The following ARL15 variants were observed in gnomAD, a reference collection of about 807,000 sequenced individuals.
ARL15 encodes ARF like GTPase 15.
Under a neutral mutation model 25.2 loss-of-function variants are expected in ARL15, and 19 were observed. The ratio of observed to expected loss-of-function variants is 0.75; its 90% CI spans 0.53 to 1.10. The LOEUF (loss-of-function observed/expected upper bound fraction) is 1.10, where lower values mean the gene tolerates loss of function less well. ARL15 is among the 50% of genes least tolerant of loss of function. ARL15 has a pLI of 0.00. For synonymous variants in ARL15, 94 were observed against 86.8 expected, an observed-to-expected ratio of 1.08 and a Z score of -0.46; for missense variants, 220 against 246.0, an observed-to-expected ratio of 0.89 and a Z score of 0.71.
chr5:53,945,011 T>C (rs760583006), intron 4 of ARL15, among the ~76,000 whole-genome samples: 14 of 152,316 alleles, frequency 9.2e-5, no homozygotes, highest in Non-Finnish European at 1.9e-4. Context: ...TACTGATTCC[T>C]GGGCAACAGA....
chr5:54,254,499 G>C (rs1173995240), intron 1 of ARL15, among the ~76,000 whole-genome samples: 1 of 152,154 alleles, frequency 6.6e-6, no homozygotes. Flanking sequence ...TTTCTTTTAT[G>C]ACTAATCTTA....
intron 4 of ARL15, among the ~76,000 whole-genome samples, chr5:54,086,962 T>G (rs1202131965): frequency 6.6e-6 from 1 of 152,202 alleles, no homozygotes; most frequent in Non-Finnish European, 1.5e-5. Flanking sequence ...TTTCATGGTT[T>G]TAATAATTTA....
At chr5:54,280,440 CT>C (rs1180240237) in intron 1 of ARL15, among the ~76,000 whole-genome samples, 3 of 152,178 alleles carry the variant, frequency 2.0e-5, no homozygotes, top group Non-Finnish European at 4.4e-5. Context: ...AGAAAATCTG[CT>C]TTTTCTTACA....
chr5:54,210,217 T>C (rs3797249), intron 1 of ARL15, among the ~76,000 whole-genome samples: 2 of 152,204 alleles, frequency 1.3e-5, no homozygotes, highest in East Asian at 3.8e-4. Context: ...CACTTCAAAA[T>C]ATATTGTAAG....
chr5:54,011,440 G>GT, intron 4 of ARL15, among the ~76,000 whole-genome samples: 1 of 151,988 alleles, frequency 6.6e-6, no homozygotes, highest in African/African-American at 2.4e-5. Context: ...TTGTTGTTTT[G>GT]TTTTTTGTTT....
intron 2 of ARL15, 85 bp from the exon 3 acceptor site, chr5:54,154,724 G>T: frequency 2.6e-6 from 2 of 777,802 alleles, no homozygotes; most frequent in South Asian, 1.9e-5. Context: ...TCTCTTTTTA[G>T]GCTGGTTAAG....
intron 1 of ARL15, among the ~76,000 whole-genome samples, chr5:54,194,933 G>A (rs772341047): frequency 4.6e-5 from 7 of 152,258 alleles, no homozygotes; most frequent in South Asian, 2.1e-4. Context: ...AAAGGCCTGC[G>A]TAGTGAGGTA....
At chr5:54,014,088 A>C (rs1041943296) in intron 4 of ARL15, among the ~76,000 whole-genome samples, 2 of 152,234 alleles carry the variant, frequency 1.3e-5, no homozygotes, top group Admixed American at 6.5e-5. Flanking sequence ...ATGACACTCA[A>C]AGATCATGCT....
intron 1 of ARL15, among the ~76,000 whole-genome samples, chr5:54,253,183 A>C (rs1249231610): frequency 6.6e-6 from 1 of 152,216 alleles, no homozygotes; most frequent in Non-Finnish European, 1.5e-5. Context: ...GCTTCTCGGC[A>C]GCAGTCAGCA....
intron 4 of ARL15, among the ~76,000 whole-genome samples, chr5:53,907,695 A>G (rs1042885079): frequency 5.3e-5 from 8 of 150,512 alleles, no homozygotes; most frequent in African/African-American, 2.0e-4. Context: ...ACGGGGTTTC[A>G]CCTTGTTAGC....
intron 4 of ARL15, among the ~76,000 whole-genome samples, chr5:53,926,421 C>T (rs1746025741): frequency 2.0e-5 from 3 of 152,034 alleles, no homozygotes; most frequent in African/African-American, 7.2e-5. Flanking sequence ...AAAAAGTCCC[C>T]CCACCCCAGC....
chr5:54,188,017 G>A (rs1755287572), intron 1 of ARL15, among the ~76,000 whole-genome samples: 1 of 151,764 alleles, frequency 6.6e-6, no homozygotes. Context: ...AAACATTCTG[G>A]TTTTTGACAT....
intron 1 of ARL15, among the ~76,000 whole-genome samples, chr5:54,183,526 T>C (rs255686): frequency 0.64 from 88,587 of 138,540 alleles, 28,677 homozygotes; most frequent in East Asian, 0.98. Context: ...GATAAGCTTT[T>C]TGATGTGCTG....
At chr5:54,245,015 A>T (rs1205958080) in intron 1 of ARL15, among the ~76,000 whole-genome samples, 1 of 152,152 alleles carries the variant, frequency 6.6e-6, no homozygotes, top group Non-Finnish European at 1.5e-5. Context: ...ACCAGAATCA[A>T]TTCAGCGGGA....
At chr5:53,992,496 C>T (rs1748535189) in intron 4 of ARL15, among the ~76,000 whole-genome samples, 1 of 152,218 alleles carries the variant, frequency 6.6e-6, no homozygotes, top group African/African-American at 2.4e-5. Flanking sequence ...ACTTTTATGG[C>T]AGTACCTACC....
chr5:54,057,289 G>T (rs1362932555), intron 4 of ARL15, among the ~76,000 whole-genome samples: 1 of 152,116 alleles, frequency 6.6e-6, no homozygotes, highest in East Asian at 1.9e-4. Context: ...GATATTCCTG[G>T]AGCAGAGCTG....
chr5:54,281,104 G>A lies in ARL15; in HGVS notation c.48+29328C>T, dbSNP rs184451203. 1.9e-3 allele frequency among the ~76,000 whole-genome samples: 291 copies of A among 152,112 alleles called. 2 individuals are homozygous for A. The highest frequency in any genetic ancestry group is 6.1e-3 in the African/African-American group (255 of 41,502). On this transcript the variant is annotated intron_variant, in intron 1 of 4. Coordinates refer to ENST00000504924, the MANE Select transcript of ARL15 (RefSeq NM_019087.3). ...AGAATAACATAAAAAAACACTGTGCGCTCACCATTCAAGTTAAAACCCAGA... is the reference window on the plus strand; with the variant it reads ...AGAATAACATAAAAAAACACTGTGCACTCACCATTCAAGTTAAAACCCAGA...
At position 54,098,707 on chromosome 5, in the gene ARL15, C is replaced by G. The variant is rs557125283; in HGVS notation, c.462+14495G>C. ...CGATGGGGTTTCCTCCTCTTCTGCC[C>G]TGTTTTCATTTTTTAACTAAGTAAT... On this transcript the variant is annotated intron_variant, in intron 4 of 4. Coordinates refer to ENST00000504924, the MANE Select transcript of ARL15 (RefSeq NM_019087.3). 3.3e-5 allele frequency among the ~76,000 whole-genome samples: 5 copies of G among 152,252 alleles called. No homozygotes were observed. The East Asian group carries it at 9.7e-4, about 29-fold the overall frequency.
At chr5:54,056,823 C>A (rs1324291314) in intron 4 of ARL15, among the ~76,000 whole-genome samples, 2 of 152,014 alleles carry the variant, frequency 1.3e-5, no homozygotes, top group Non-Finnish European at 2.9e-5. Context: ...TATCTTTGGG[C>A]AAATCGTTGT....
Sources: gnomAD v4.1 joint callset for allele counts (sites outside exome capture counted in the v4.1 genomes callset) on GRCh38, gnomAD v4.1.1 for gene constraint, MANE v1.5 for transcripts, NCBI Gene and HGNC (gene_info 2026-07-23, HGNC 2026-07-21) for gene names.